The following OPCML variants were observed in gnomAD, a reference collection of about 807,000 sequenced individuals.
OPCML encodes opioid-binding protein/cell adhesion molecule.
OPCML carries 13 observed loss-of-function variants against 37.8 expected under a neutral mutation model. That is an observed-to-expected ratio of 0.34 (90% CI 0.22 to 0.55). The LOEUF is 0.55. Among genes scored for constraint, OPCML ranks in the 20% least tolerant of loss-of-function variants. The probability of loss-of-function intolerance (pLI) is 0.91; values close to 1 mark genes in which losing one functional copy is unlikely to be tolerated. For missense variants in OPCML, 341 were observed against 435.6 expected, an observed-to-expected ratio of 0.78 and a Z score of 1.93; for synonymous variants, 176 against 168.8, an observed-to-expected ratio of 1.04 and a Z score of -0.33.
intron 1 of OPCML, chr11:133,423,095 T>C (rs1945925793): frequency 4.1e-6 from 4 of 985,334 alleles, no homozygotes; most frequent in African/African-American, 1.7e-5. Context: ...TTCTCCAGAA[T>C]TGAGAAATGG....
At chr11:132,779,562 G>C (rs577827003) in intron 2 of OPCML, among the ~76,000 whole-genome samples, 4 of 151,540 alleles carry the variant, frequency 2.6e-5, no homozygotes, top group Middle Eastern at 3.4e-3. Context: ...CAGAAGGGGG[G>C]CGTGGGGAGA....
At chr11:132,950,325 G>A (rs956207545) in intron 1 of OPCML, among the ~76,000 whole-genome samples, 1 of 152,184 alleles carries the variant, frequency 6.6e-6, no homozygotes, top group African/African-American at 2.4e-5. Flanking sequence ...GGTGAGGGGT[G>A]CATTCCTGAA....
At chr11:133,065,400 CT>C (rs1210499118) in intron 1 of OPCML, 1 of 152,232 alleles carries the variant, frequency 6.6e-6, no homozygotes, top group East Asian at 1.9e-4. Flanking sequence ...CACCTGCCCC[CT>C]AGCCAGACTT....
intron 2 of OPCML, among the ~76,000 whole-genome samples, chr11:132,714,341 T>G (rs1784184): frequency 1.3e-5 from 2 of 152,168 alleles, no homozygotes; most frequent in African/African-American, 4.8e-5. Flanking sequence ...GGATACCACA[T>G]CAGTCTGAAA....
intron 3 of OPCML, among the ~76,000 whole-genome samples, chr11:132,633,357 T>C (rs1940276191): frequency 6.6e-6 from 1 of 151,986 alleles, no homozygotes; most frequent in South Asian, 2.1e-4. Flanking sequence ...TGCTGGTAGC[T>C]CTCTTTTCCC....
At chr11:133,159,487 C>T (rs1950112480) in intron 1 of OPCML, among the ~76,000 whole-genome samples, 1 of 152,186 alleles carries the variant, frequency 6.6e-6, no homozygotes, top group Non-Finnish European at 1.5e-5. Flanking sequence ...GGCAGATTGT[C>T]AATCTCACAT....
At position 133,007,500 on chromosome 11, in the gene OPCML, A is replaced by T. The variant is rs556448272; in HGVS notation, c.62-64490T>A. ...TTAATTTGTTAATGAACCTGTCCTTAGACAGAATCTCTGTTCCTTTGGAAG... is the reference window on the plus strand; with the variant it reads ...TTAATTTGTTAATGAACCTGTCCTTTGACAGAATCTCTGTTCCTTTGGAAG... On this transcript the variant is annotated intron_variant, in intron 1 of 7. Transcript: ENST00000524381. 6.5e-5 allele frequency: 64 copies of T among 985,458 alleles called. No homozygotes were observed. In the South Asian group the frequency reaches 1.2e-3, roughly 18 times the overall value. The allele number at this position is 985,458 out of a possible 1,614,324, so 61.0% of individuals were successfully genotyped here. A position where few individuals can be genotyped will look rare whatever the true frequency, so the allele number is the denominator to read the frequency against.
intron 3 of OPCML, among the ~76,000 whole-genome samples, chr11:132,563,741 T>C (rs1262321426): frequency 2.0e-5 from 3 of 152,144 alleles, no homozygotes; most frequent in African/African-American, 7.2e-5. Flanking sequence ...TTTACAAGTT[T>C]CTTTGAAAGC....
At chr11:132,918,491 C>T (rs67059717) in intron 2 of OPCML, among the ~76,000 whole-genome samples, 22,719 of 152,180 alleles carry the variant, frequency 0.15, 2,230 homozygotes, top group Non-Finnish European at 0.22. Context: ...AATCATACAG[C>T]GTGTGCACTT....
intron 2 of OPCML, among the ~76,000 whole-genome samples, chr11:132,886,362 C>T (rs1452321052): frequency 6.6e-6 from 1 of 152,176 alleles, no homozygotes; most frequent in Non-Finnish European, 1.5e-5. Context: ...GGCGGCTTGC[C>T]CCTGTTCTAT....
chr11:132,589,573 C>A (rs112189407), intron 3 of OPCML, among the ~76,000 whole-genome samples: 3,406 of 152,198 alleles, frequency 0.022, 139 homozygotes, highest in African/African-American at 0.077. Flanking sequence ...AGATTTTGGA[C>A]TAGGTGATCA....
chr11:132,589,347 C>T (rs1325944011), intron 3 of OPCML, among the ~76,000 whole-genome samples: 1 of 152,168 alleles, frequency 6.6e-6, no homozygotes, highest in Non-Finnish European at 1.5e-5. Flanking sequence ...TTGAACATCT[C>T]TATTGTTATT....
intron 4 of OPCML, among the ~76,000 whole-genome samples, chr11:132,486,206 T>G (rs1214115068): frequency 6.6e-6 from 1 of 152,176 alleles, no homozygotes; most frequent in Non-Finnish European, 1.5e-5. Context: ...GTGGCCCCAG[T>G]GCTGTGGGGA....
chr11:133,358,158 T>A (rs574654435), intron 1 of OPCML, among the ~76,000 whole-genome samples: 2 of 152,366 alleles, frequency 1.3e-5, no homozygotes, highest in Admixed American at 1.3e-4. Flanking sequence ...GAGCAATGAA[T>A]GAACTGATGA....
At chr11:132,704,015 G>A (rs901963755) in intron 2 of OPCML, among the ~76,000 whole-genome samples, 2 of 152,132 alleles carry the variant, frequency 1.3e-5, no homozygotes, top group African/African-American at 4.8e-5. Flanking sequence ...AGTAGGCCTG[G>A]GACCTGAGTT....
chr11:132,726,045 C>T (rs531703748), intron 2 of OPCML, among the ~76,000 whole-genome samples: 2 of 152,272 alleles, frequency 1.3e-5, no homozygotes, highest in South Asian at 4.2e-4. Flanking sequence ...TTAAACTTTG[C>T]CACGTTTTCC....
At chr11:133,179,037 C>A (rs1937696602) in intron 1 of OPCML, among the ~76,000 whole-genome samples, 1 of 152,130 alleles carries the variant, frequency 6.6e-6, no homozygotes, top group East Asian at 1.9e-4. Context: ...CCATTTTCCT[C>A]TAGGCACCCA....
chr11:133,243,041 C>G lies in OPCML; in HGVS notation c.61+289223G>C, dbSNP rs148863755. On this transcript the variant is annotated intron_variant, in intron 1 of 7. Coordinates refer to ENST00000524381, the MANE Select transcript of OPCML (RefSeq NM_001012393.5). Reference sequence around the variant, plus strand: ...TTCTCTTTCCCTGGACTGTCTTTGCCGGGGAAATGGGGAGCTCATCGTGTG... The same window carrying G: ...TTCTCTTTCCCTGGACTGTCTTTGCGGGGGAAATGGGGAGCTCATCGTGTG... Among the ~76,000 whole-genome samples the G allele has an allele frequency of 7.3e-3, 1,115 of 152,198 alleles. 13 individuals carry two copies. The highest frequency in any genetic ancestry group is 0.024 in the African/African-American group (1,013 of 41,508).
At chr11:133,046,953 T>C (rs1948029179) in intron 1 of OPCML, among the ~76,000 whole-genome samples, 2 of 152,150 alleles carry the variant, frequency 1.3e-5, no homozygotes, top group African/African-American at 2.4e-5. Context: ...TTACAATTTT[T>C]TTTTTTTTCA....
Sources: gnomAD v4.1 joint callset for allele counts (sites outside exome capture counted in the v4.1 genomes callset) on GRCh38, gnomAD v4.1.1 for gene constraint, MANE v1.5 for transcripts, NCBI Gene and HGNC (gene_info 2026-07-23, HGNC 2026-07-21) for gene names.